Variants in LYRM1 observed in about 807,000 individuals in gnomAD.
The protein encoded by LYRM1 is LYR motif-containing protein 1.
Under a neutral mutation model 14.9 loss-of-function variants are expected in LYRM1, and 14 were observed. The ratio of observed to expected loss-of-function variants is 0.94; its 90% CI spans 0.62 to 1.47. LYRM1 has a LOEUF of 1.47. Among genes scored for constraint, LYRM1 ranks in the 40% most tolerant of loss-of-function variants. The pLI is 0.00. For synonymous variants in LYRM1, 43 were observed against 56.2 expected, an observed-to-expected ratio of 0.77 and a Z score of 1.05; for missense variants, 153 against 149.9, an observed-to-expected ratio of 1.02 and a Z score of -0.11.
chr16:20,920,242 T>A (rs768629794), intron 3 of LYRM1, 28 bp downstream of exon 3: 1 of 1,502,276 alleles, frequency 6.7e-7, no homozygotes, highest in Non-Finnish European at 9.3e-7. Context: ...TAACAAGTGC[T>A]GGGTACTTAC....
chr16:20,921,620 G>C (rs962834789), intron 3 of LYRM1: 2 of 150,514 alleles, frequency 1.3e-5, no homozygotes, highest in Non-Finnish European at 2.9e-5. Context: ...GGCTGGTCTT[G>C]AACTCCTGAG....
Position 20,915,548 on chromosome 16 carries a change from G to C in LYRM1, c.1-8G>C, listed in dbSNP as rs763597237. ...AATTTTCCCTCTTCTATTTTGGTGG[G>C]TCTGAAGATGACAACGGCAACACGA... On this transcript the variant is annotated splice_polypyrimidine_tract_variant and splice_region_variant and intron_variant, in intron 1 of 3. Coordinates refer to ENST00000567954, the MANE Select transcript of LYRM1 (RefSeq NM_001128302.3). 1 of 1,613,674 alleles carries C rather than the reference G, an allele frequency of 6.2e-7. No individual in the cohort carries two copies. The highest frequency in any genetic ancestry group is 1.1e-5 in the South Asian group (1 of 91,062).
intron 1 of LYRM1, among the ~76,000 whole-genome samples, chr16:20,913,703 T>C (rs115598969): frequency 0.013 from 2,010 of 152,318 alleles, 56 homozygotes; most frequent in African/African-American, 0.045. Flanking sequence ...CTTTACAGAA[T>C]ATACCTACGT....
At chr16:20,902,669 T>C (rs2082122697) in intron 1 of LYRM1, 1 of 152,110 alleles carries the variant, frequency 6.6e-6, no homozygotes, top group African/African-American at 2.4e-5. Flanking sequence ...CTCAAATCTC[T>C]TCCCTCCCTC....
intron 1 of LYRM1, among the ~76,000 whole-genome samples, chr16:20,906,962 G>A (rs935623342): frequency 6.6e-6 from 1 of 152,082 alleles, no homozygotes; most frequent in African/African-American, 2.4e-5. Flanking sequence ...TTTGGTTTTT[G>A]TTTTTGTTTT....
rs1030296636 is a variant in LYRM1 at position 20,901,283 on chromosome 16, G to A, written c.-1+394G>A. On this transcript the variant is annotated intron_variant, in intron 1 of 3. Transcript: ENST00000567954. This position sits in a 1 kb window ranked among gnomAD's most constrained non-coding sequence, Gnocchi z 4.6. ...GAACGGAGACTCCCTAGGACCGTGA[G>A]AGCCAGCTTCGTAATTCTCTTGCTC... is the stretch of plus-strand genomic sequence containing the variant. 6.6e-6 allele frequency: 1 copy of A among 152,338 alleles called. No individual in the cohort carries two copies. The highest frequency in any genetic ancestry group is 6.5e-5 in the Admixed American group (1 of 15,286). 9.4% of individuals were successfully genotyped at this position (152,338 alleles called of 1,614,324 possible).
chr16:20,919,945 T>C (rs1016990919), intron 2 of LYRM1, among the ~76,000 whole-genome samples, 177 bp from the exon 3 acceptor site: 3 of 152,250 alleles, frequency 2.0e-5, no homozygotes, highest in African/African-American at 7.2e-5. Flanking sequence ...TTTTACCTAC[T>C]TTAACGATTT....
rs2083310313 is a variant in LYRM1 at position 20,923,522 on chromosome 16, G to GA, written c.253-473dup. Reference sequence around the variant, plus strand: ...TCAAAAAAAAAAAAAAAGAAAGAAAGAAAAATTAACCATCCCAGCCATAAT... The same window carrying GA: ...TCAAAAAAAAAAAAAAAGAAAGAAAGAAAAAATTAACCATCCCAGCCATAAT... On this transcript the variant is annotated intron_variant, in intron 3 of 3. Coordinates refer to ENST00000567954, the MANE Select transcript of LYRM1 (RefSeq NM_001128302.3). 9.7e-5 allele frequency among the ~76,000 whole-genome samples: 13 copies of GA among 133,748 alleles called. No homozygotes were observed. In the South Asian group the frequency reaches 3.2e-3, roughly 33 times the overall value. 87.7% of individuals were successfully genotyped at this position (133,748 alleles called of 152,430 possible). A position where few individuals can be genotyped will look rare whatever the true frequency, so the allele number is the denominator to read the frequency against.
intron 2 of LYRM1, among the ~76,000 whole-genome samples, chr16:20,918,934 T>C (rs2083045921): frequency 2.0e-5 from 3 of 150,772 alleles, no homozygotes; most frequent in Admixed American, 1.3e-4. Context: ...AGAGGTACCA[T>C]AGGACAGGAA....
At position 20,901,605 on chromosome 16, in the gene LYRM1, G is replaced by T. The variant is rs2082057725; in HGVS notation, c.-1+716G>T. ...GGCTGAAGCAAACAGAGCCAGGGCC[G>T]GAGTGCCCTGTGATGTAGTTGGGGA... On this transcript the variant is annotated intron_variant, in intron 1 of 3. Coordinates refer to ENST00000567954, the MANE Select transcript of LYRM1 (RefSeq NM_001128302.3). This position sits in a 1 kb window ranked among gnomAD's most constrained non-coding sequence, Gnocchi z 4.6. 6.6e-6 allele frequency among the ~76,000 whole-genome samples: 1 copy of T among 152,242 alleles called. No homozygotes were observed. The highest frequency in any genetic ancestry group is 1.5e-5 in the Non-Finnish European group (1 of 68,040).
chr16:20,908,380 A>G (rs955237449), intron 1 of LYRM1, among the ~76,000 whole-genome samples: 3 of 152,256 alleles, frequency 2.0e-5, no homozygotes, highest in African/African-American at 7.2e-5. Context: ...TAAAGCAATC[A>G]ACAGACATTC....
At chr16:20,913,839 C>T (rs768335136) in intron 1 of LYRM1, among the ~76,000 whole-genome samples, 21 of 151,358 alleles carry the variant, frequency 1.4e-4, no homozygotes, top group Non-Finnish European at 2.5e-4. Context: ...GACAGAGTCT[C>T]GCTCTGTCAC....
At chr16:20,914,138 T>C (rs1036707618) in intron 1 of LYRM1, among the ~76,000 whole-genome samples, 18 of 152,090 alleles carry the variant, frequency 1.2e-4, no homozygotes, top group Admixed American at 1.2e-3. Context: ...ATTATACTTA[T>C]TGGACAAGAA....
At chr16:20,907,665 T>A (rs979534134) in intron 1 of LYRM1, among the ~76,000 whole-genome samples, 1 of 152,138 alleles carries the variant, frequency 6.6e-6, no homozygotes, top group Non-Finnish European at 1.5e-5. Flanking sequence ...CCCTGCCTCA[T>A]GTTCATCTTT....
At chr16:20,923,405 CAG>C (rs1336671342) in intron 3 of LYRM1, among the ~76,000 whole-genome samples, 1 of 148,176 alleles carries the variant, frequency 6.7e-6, no homozygotes, top group African/African-American at 2.5e-5. Flanking sequence ...GAGGCTGAGA[CAG>C]AGAATCACTT....
intron 1 of LYRM1, among the ~76,000 whole-genome samples, chr16:20,906,497 CT>C (rs2082328782): frequency 6.6e-6 from 1 of 152,186 alleles, no homozygotes; most frequent in Admixed American, 6.5e-5. Context: ...AGGGGTAGGT[CT>C]TTCCTGAAAT....
At chr16:20,907,832 T>G (rs896747441) in intron 1 of LYRM1, among the ~76,000 whole-genome samples, 1 of 152,122 alleles carries the variant, frequency 6.6e-6, no homozygotes, top group African/African-American at 2.4e-5. Context: ...CTCTGGTCAT[T>G]TGTATCTTAT....
chr16:20,912,398 T>A (rs2082641432), intron 1 of LYRM1, among the ~76,000 whole-genome samples: 1 of 152,020 alleles, frequency 6.6e-6, no homozygotes, highest in South Asian at 2.1e-4. Context: ...GCCTCCCGAT[T>A]AGCTGGGACA....
rs1004925267 is a variant in LYRM1 at position 20,901,890 on chromosome 16, C to T, written c.-1+1001C>T. ...CCTATAAACCCAGTACTTTGGGAGG[C>T]CTAGGCGGGCGGATCACGAGGTCAG... is the stretch of plus-strand genomic sequence containing the variant. On this transcript the variant is annotated intron_variant, in intron 1 of 3. Transcript: ENST00000567954. This position sits in a 1 kb window ranked among gnomAD's most constrained non-coding sequence, Gnocchi z 4.6. 2.6e-5 allele frequency among the ~76,000 whole-genome samples: 4 copies of T among 152,186 alleles called. No homozygotes were observed. The highest frequency in any genetic ancestry group is 2.9e-5 in the Non-Finnish European group (2 of 68,026).
Sources: allele counts gnomAD v4.1 joint callset (sites outside exome capture counted in the v4.1 genomes callset), GRCh38; gene constraint gnomAD v4.1.1; non-coding constraint Gnocchi (gnomAD v3.1); transcripts MANE v1.5; gene names NCBI Gene and HGNC (gene_info 2026-07-23, HGNC 2026-07-21).